FBXO11: variants seen among roughly 807,000 people sequenced by gnomAD.
FBXO11 encodes F-box protein 11.
FBXO11 carries 13 observed loss-of-function variants against 117.0 expected under a neutral mutation model. The observed-to-expected ratio is 0.11, with a 90% confidence interval of 0.07 to 0.18. FBXO11 has a LOEUF of 0.18. Ranked by LOEUF, FBXO11 falls within the 10% of genes least tolerant of loss-of-function variation. The pLI, the probability that FBXO11 is intolerant of heterozygous loss-of-function variation, is 1.00. For synonymous variants in FBXO11, 490 were observed against 380.5 expected (o/e 1.29, Z -3.35); for missense variants, 767 against 1,164.4 (o/e 0.66, Z 4.97).
rs1396409169 is a variant in FBXO11 at position 47,839,492 on chromosome 2, T to A, written c.369A>T (p.Ser123=). 1.2e-6 allele frequency: 2 copies of A among 1,613,722 alleles called. No individual in the cohort carries two copies. Among genetic ancestry groups the A allele is most frequent in the South Asian group, 1.1e-5 (1 of 90,852 alleles). ...GACCAAAGTTTTCTGTAGTTGAAGTTGAGGCGCCCTTCAAAAACAAAACAG... is the reference window on the plus strand; with the variant it reads ...GACCAAAGTTTTCTGTAGTTGAAGTAGAGGCGCCCTTCAAAAACAAAACAG... ...CPTKNSMEGA[S]TSTTENFGHR... The change falls in exon 3 of 23, where the codon TCA becomes TCT. Residue 123 remains serine (S), a synonymous_variant. Coordinates refer to ENST00000403359, the MANE Select transcript of FBXO11 (RefSeq NM_001190274.2).
At chr2:47,849,810 G>T (rs1242490420) in intron 1 of FBXO11, among the ~76,000 whole-genome samples, 1 of 152,176 alleles carries the variant, frequency 6.6e-6, no homozygotes, top group African/African-American at 2.4e-5. Context: ...TCCAGCACAG[G>T]TATCAAGGAA....
intron 16 of FBXO11, among the ~76,000 whole-genome samples, chr2:47,817,866 G>A (rs1318195379): frequency 1.3e-5 from 2 of 152,238 alleles, no homozygotes; most frequent in African/African-American, 4.8e-5. Context: ...TCACTGATCA[G>A]GGTGGGTGTG....
At chr2:47,861,538 T>C (rs1401972130) in intron 1 of FBXO11, among the ~76,000 whole-genome samples, 1 of 151,938 alleles carries the variant, frequency 6.6e-6, no homozygotes, top group African/African-American at 2.4e-5. Context: ...CCCTGACTGG[T>C]CTTGAATTTC....
At chr2:47,830,830 C>T (rs1202497592) in intron 11 of FBXO11, among the ~76,000 whole-genome samples, 6 of 152,188 alleles carry the variant, frequency 3.9e-5, no homozygotes, top group East Asian at 3.9e-4. Context: ...TGGTGGCTCA[C>T]GCCTGAAATC....
At chr2:47,828,606 T>C (rs1472363020) in intron 11 of FBXO11, among the ~76,000 whole-genome samples, 1 of 145,632 alleles carries the variant, frequency 6.9e-6, no homozygotes, top group African/African-American at 2.5e-5. Flanking sequence ...GAGACTCTTG[T>C]CTCAAAAAAA....
At chr2:47,859,675 G>A (rs1479615670) in intron 1 of FBXO11, among the ~76,000 whole-genome samples, 7 of 152,120 alleles carry the variant, frequency 4.6e-5, no homozygotes, top group Non-Finnish European at 1.0e-4. Flanking sequence ...GGTAGCTGGG[G>A]GGTTTACACC....
chr2:47,837,756 G>A (rs1672697662), intron 4 of FBXO11, among the ~76,000 whole-genome samples: 1 of 151,964 alleles, frequency 6.6e-6, no homozygotes, highest in Admixed American at 6.6e-5. Context: ...TAAAAAACAG[G>A]GTCTCCGTCT....
intron 1 of FBXO11, among the ~76,000 whole-genome samples, chr2:47,853,371 A>C (rs574351594): frequency 6.6e-6 from 1 of 152,120 alleles, no homozygotes; most frequent in Non-Finnish European, 1.5e-5. Flanking sequence ...TGCCTGGCCC[A>C]GGAATTAAAA....
intron 1 of FBXO11, among the ~76,000 whole-genome samples, chr2:47,854,779 T>C (rs1469101721): frequency 6.6e-6 from 1 of 151,894 alleles, no homozygotes; most frequent in African/African-American, 2.4e-5. Context: ...TGGACCAGGA[T>C]CACGCTTTGA....
chr2:47,902,643 C>T (rs1438529529), intron 1 of FBXO11, among the ~76,000 whole-genome samples: 1 of 151,936 alleles, frequency 6.6e-6, no homozygotes, highest in African/African-American at 2.4e-5. Flanking sequence ...GTTTTTATAC[C>T]AATTAACCTG....
At chr2:47,852,164 A>AT (rs1358824771) in intron 1 of FBXO11, among the ~76,000 whole-genome samples, 2 of 151,886 alleles carry the variant, frequency 1.3e-5, no homozygotes, top group African/African-American at 4.8e-5. Context: ...TAATTTTTGT[A>AT]TTTTTAGTAG....
At chr2:47,859,989 T>G (rs1308565353) in intron 1 of FBXO11, among the ~76,000 whole-genome samples, 1 of 152,206 alleles carries the variant, frequency 6.6e-6, no homozygotes, top group Non-Finnish European at 1.5e-5. Flanking sequence ...TTGCTGTTTC[T>G]AGCTGTCCAT....
At chr2:47,854,796 T>C (rs1239639908) in intron 1 of FBXO11, among the ~76,000 whole-genome samples, 2 of 151,778 alleles carry the variant, frequency 1.3e-5, no homozygotes, top group African/African-American at 2.4e-5. Flanking sequence ...TTGAGAACCA[T>C]GGGAGTCAAA....
intron 11 of FBXO11, among the ~76,000 whole-genome samples, chr2:47,831,428 A>G (rs1474586847): frequency 2.2e-4 from 22 of 98,698 alleles, no homozygotes; most frequent in Admixed American, 1.1e-3. Flanking sequence ...TCTCAAAAAG[A>G]AAAAAAAAAA....
intron 1 of FBXO11, among the ~76,000 whole-genome samples, chr2:47,871,909 C>T (rs779642797): frequency 4.6e-5 from 7 of 152,168 alleles, no homozygotes; most frequent in Non-Finnish European, 8.8e-5. Context: ...CATTTCTATA[C>T]GTTCCACATG....
intron 1 of FBXO11, among the ~76,000 whole-genome samples, chr2:47,891,933 T>C (rs1349927304): frequency 4.6e-5 from 7 of 152,218 alleles, no homozygotes; most frequent in Admixed American, 1.3e-4. Context: ...AGAATGTCTA[T>C]TGAAGTCTTT....
At chr2:47,900,677 CACG>C in intron 1 of FBXO11, among the ~76,000 whole-genome samples, 1 of 49,964 alleles carries the variant, frequency 2.0e-5, no homozygotes, top group Non-Finnish European at 3.8e-5. Flanking sequence ...CGTATATACA[CACG>C]TATACACACA....
chr2:47,866,108 G>C (rs554136427), intron 1 of FBXO11, among the ~76,000 whole-genome samples: 72 of 151,798 alleles, frequency 4.7e-4, no homozygotes, highest in Non-Finnish European at 9.6e-4. Flanking sequence ...AATTGGCTGG[G>C]CATGGTGGCA....
intron 11 of FBXO11, among the ~76,000 whole-genome samples, chr2:47,829,232 T>TTTTA (rs575032266): frequency 2.1e-4 from 32 of 151,320 alleles, no homozygotes; most frequent in East Asian, 1.9e-3. Context: ...TGCTATGACA[T>TTTTA]TTTATTTATT....
Sources: gnomAD v4.1 joint callset for allele counts (sites outside exome capture counted in the v4.1 genomes callset) on GRCh38, gnomAD v4.1.1 for gene constraint, MANE v1.5 for transcripts, NCBI Gene and HGNC (gene_info 2026-07-23, HGNC 2026-07-21) for gene names.